JARID2: variants seen among roughly 807,000 people sequenced by gnomAD.
The protein encoded by JARID2 is jumonji and AT-rich interaction domain containing 2, also known as protein Jumonji.
Under a neutral mutation model 125.6 loss-of-function variants are expected in JARID2, and 21 were observed. The ratio of observed to expected loss-of-function variants is 0.17; its 90% CI spans 0.12 to 0.24. The LOEUF (loss-of-function observed/expected upper bound fraction) is 0.24, where lower values mean the gene tolerates loss of function less well. Ranked by LOEUF, JARID2 falls within the 10% of genes least tolerant of loss-of-function variation. JARID2 has a pLI of 1.00. For synonymous variants in JARID2, 736 were observed against 661.6 expected, an observed-to-expected ratio of 1.11 and a Z score of -1.73; for missense variants, 1,303 against 1,639.6, an observed-to-expected ratio of 0.79 and a Z score of 3.55.
chr6:15,259,958 G>A (rs2053995558), intron 1 of JARID2, among the ~76,000 whole-genome samples: 1 of 152,196 alleles, frequency 6.6e-6, no homozygotes, highest in Admixed American at 6.5e-5. Context: ...TCATCTCAAT[G>A]CAGCAGTGTT....
intron 1 of JARID2, among the ~76,000 whole-genome samples, chr6:15,276,229 C>T (rs1760495683): frequency 6.6e-6 from 1 of 152,134 alleles, no homozygotes; most frequent in Admixed American, 6.6e-5. Context: ...GCCTCTCCTC[C>T]CCTCGAGTGT....
At chr6:15,471,211 G>C (rs1769059989) in intron 5 of JARID2, among the ~76,000 whole-genome samples, 1 of 152,218 alleles carries the variant, frequency 6.6e-6, no homozygotes, top group Non-Finnish European at 1.5e-5. Context: ...TTGAGTTTGT[G>C]TTGATGGTGA....
rs77033075 is a variant in JARID2 at position 15,400,933 on chromosome 6, A to T, written c.182-9291A>T. The T allele has an allele frequency of 1.0e-3, 1,332 of 1,289,364 alleles. 19 individuals are homozygous for T. The African/African-American group carries it at 0.018, about 18-fold the overall frequency. 79.9% of individuals were successfully genotyped at this position (1,289,364 alleles called of 1,614,324 possible). The stretch of plus-strand genomic sequence containing the variant: ...TCCTTCTTCCTCTCTGTCTCTCTGC[A>T]ATGATCCGGCTCTGAGGATGGCTGC... On this transcript the variant is annotated intron_variant, in intron 2 of 17. Transcript: ENST00000341776.
intron 1 of JARID2, among the ~76,000 whole-genome samples, chr6:15,279,140 A>G (rs1339267172): frequency 7.4e-6 from 1 of 134,354 alleles, no homozygotes; most frequent in Non-Finnish European, 1.5e-5. Flanking sequence ...CAAAATTCAT[A>G]TATACATATA....
At chr6:15,386,548 T>C (rs1051398859) in intron 2 of JARID2, among the ~76,000 whole-genome samples, 1 of 152,186 alleles carries the variant, frequency 6.6e-6, no homozygotes, top group African/African-American at 2.4e-5. Context: ...TGGAGGGCGT[T>C]ATAACCTCAA....
intron 1 of JARID2, among the ~76,000 whole-genome samples, chr6:15,292,779 A>G (rs1761276006): frequency 6.6e-6 from 1 of 152,182 alleles, no homozygotes; most frequent in Non-Finnish European, 1.5e-5. Flanking sequence ...GTGATCGTCC[A>G]CTTCAGCATC....
intron 16 of JARID2, among the ~76,000 whole-genome samples, chr6:15,515,091 A>G (rs1190820724): frequency 6.6e-6 from 1 of 151,556 alleles, no homozygotes; most frequent in Non-Finnish European, 1.5e-5. Flanking sequence ...TCTGTTGCCT[A>G]GGATGGAATG....
chr6:15,267,493 G>T (rs1207714737), intron 1 of JARID2, among the ~76,000 whole-genome samples: 1 of 152,136 alleles, frequency 6.6e-6, no homozygotes, highest in Non-Finnish European at 1.5e-5. Context: ...TAGGTACAAG[G>T]ATGTTCTTAG....
intron 3 of JARID2, among the ~76,000 whole-genome samples, chr6:15,417,585 A>C (rs1766289049): frequency 6.6e-6 from 1 of 152,170 alleles, no homozygotes; most frequent in Admixed American, 6.5e-5. Flanking sequence ...ACCAAAAAAT[A>C]CAAAAAAAAT....
In JARID2 at chr6:15,520,466, C is replaced by T. The variant is rs1049808721; in HGVS notation, c.*215C>T. ...TACTGCAGTCAGATTTTGGAAACTG[C>T]CGTATAGTCACTGTTTTAAAAACCC... is the stretch of plus-strand genomic sequence containing the variant. On this transcript the variant is annotated 3_prime_UTR_variant, in exon 18 of 18. Transcript: ENST00000341776. 1 of 455,954 alleles carries T rather than the reference C, an allele frequency of 2.2e-6. No individual in the cohort carries two copies. Among genetic ancestry groups the T allele is most frequent in the Non-Finnish European group, 3.9e-6 (1 of 259,254 alleles). The allele number at this position is 455,954 out of a possible 1,614,324, so 28.2% of individuals were successfully genotyped here. A position where few individuals can be genotyped will look rare whatever the true frequency, so the allele number is the denominator to read the frequency against.
chr6:15,361,348 T>A (rs1391924285), intron 1 of JARID2, among the ~76,000 whole-genome samples: 1 of 152,214 alleles, frequency 6.6e-6, no homozygotes, highest in Non-Finnish European at 1.5e-5. Context: ...GCTCAAAGTC[T>A]GCTACTTCTT....
chr6:15,306,833 T>A (rs1761845152), intron 1 of JARID2, among the ~76,000 whole-genome samples: 1 of 150,306 alleles, frequency 6.7e-6, no homozygotes, highest in Non-Finnish European at 1.5e-5. Flanking sequence ...AGGCAGCTTA[T>A]TTTTTTTCCT....
At position 15,374,097 on chromosome 6, in the gene JARID2, C is replaced by A. The variant is rs563434190; in HGVS notation, c.46-20C>A. On this transcript the variant is annotated intron_variant, in intron 1 of 17. Transcript: ENST00000341776. The stretch of plus-strand genomic sequence containing the variant: ...TTGCTTTCTATTCAGTAACTCCTCT[C>A]TTTTCTTATGTTTCTTCAGGATGAC... 1.9e-6 allele frequency: 3 copies of A among 1,610,548 alleles called. No individual in the cohort carries two copies. The highest frequency in any genetic ancestry group is 2.5e-6 in the Non-Finnish European group (3 of 1,178,580).
chr6:15,392,680 CTTT>C (rs35429221), intron 2 of JARID2, among the ~76,000 whole-genome samples: 71 of 120,884 alleles, frequency 5.9e-4, no homozygotes, highest in African/African-American at 1.1e-3. Flanking sequence ...GATTAAGAGA[CTTT>C]TTTTTTTTTT....
rs534413498 is a variant in JARID2, at chr6:15,338,504, G to A, written c.46-35613G>A. ...TAGACATTGAGGACAGATGGGCTGA[G>A]GCCCCATATGTGCAGGCTTTGTATA... On this transcript the variant is annotated intron_variant, in intron 1 of 17. Transcript: ENST00000341776. 3.9e-5 allele frequency among the ~76,000 whole-genome samples: 6 copies of A among 152,358 alleles called. No homozygotes were observed. The East Asian group carries it at 1.2e-3, about 29-fold the overall frequency.
chr6:15,458,387 C>T (rs916004331), intron 4 of JARID2, among the ~76,000 whole-genome samples: 2 of 152,254 alleles, frequency 1.3e-5, no homozygotes, highest in Non-Finnish European at 1.5e-5. Flanking sequence ...TTCAGCGTCA[C>T]GGCTCGGCAC....
At chr6:15,315,663 C>T (rs1005337607) in intron 1 of JARID2, among the ~76,000 whole-genome samples, 26 of 152,178 alleles carry the variant, frequency 1.7e-4, no homozygotes, top group African/African-American at 6.0e-4. Context: ...CTGCAAATCC[C>T]TAGAAGTTGT....
At chr6:15,362,422 A>C (rs1484717307) in intron 1 of JARID2, among the ~76,000 whole-genome samples, 1 of 152,210 alleles carries the variant, frequency 6.6e-6, no homozygotes, top group Non-Finnish European at 1.5e-5. Context: ...GTCTCTTGAG[A>C]AAGGCAACTC....
chr6:15,504,116 G>T (rs1241508763), intron 8 of JARID2, among the ~76,000 whole-genome samples: 3 of 149,896 alleles, frequency 2.0e-5, no homozygotes, highest in African/African-American at 7.3e-5. Context: ...GCTGCTGATA[G>T]CTTCTCCGCT....
Sources: gnomAD v4.1 joint callset for allele counts (sites outside exome capture counted in the v4.1 genomes callset) on GRCh38, gnomAD v4.1.1 for gene constraint, MANE v1.5 for transcripts, NCBI Gene and HGNC (gene_info 2026-07-23, HGNC 2026-07-21) for gene names.